The following FXR1 variants were observed in gnomAD, a reference collection of about 807,000 sequenced individuals.
FXR1 encodes the protein RNA-binding protein FXR1.
In FXR1, 15 loss-of-function variants were observed where a neutral mutation model predicts 84.0. The observed-to-expected ratio is 0.18, with a 90% CI of 0.12 to 0.27. The LOEUF is 0.27. FXR1 is among the 10% of genes least tolerant of loss of function. The pLI, the probability that FXR1 is intolerant of heterozygous loss-of-function variation, is 1.00. For missense variants in FXR1, 480 were observed against 774.4 expected, an observed-to-expected ratio of 0.62 and a Z score of 4.51; for synonymous variants, 245 against 250.7, an observed-to-expected ratio of 0.98 and a Z score of 0.21.
At chr3:180,952,893 C>T (rs1425347645) in intron 8 of FXR1, among the ~76,000 whole-genome samples, 1 of 144,176 alleles carries the variant, frequency 6.9e-6, no homozygotes, top group East Asian at 2.1e-4. Flanking sequence ...AGTGCAGTGG[C>T]GTGATCATAG....
chr3:180,949,804 C>T (rs1024064956), intron 7 of FXR1, among the ~76,000 whole-genome samples: 1 of 152,226 alleles, frequency 6.6e-6, no homozygotes, highest in African/African-American at 2.4e-5. Flanking sequence ...TACCTTTTAT[C>T]AAACATAGCC....
chr3:180,928,013 T>C (rs1462793898), intron 1 of FXR1, among the ~76,000 whole-genome samples: 1 of 152,088 alleles, frequency 6.6e-6, no homozygotes, highest in East Asian at 1.9e-4. Flanking sequence ...TTTTGGGTTT[T>C]GCTTTTTTGG....
intron 15 of FXR1, 24 bp downstream of exon 15, chr3:180,970,382 A>AT (rs1713376124): frequency 1.9e-5 from 10 of 514,276 alleles, no homozygotes; most frequent in African/African-American, 5.3e-5. Context: ...TAGGGAAGAG[A>AT]AATATATATA....
At chr3:180,943,826 A>T (rs930523773) in intron 3 of FXR1, among the ~76,000 whole-genome samples, 2 of 152,202 alleles carry the variant, frequency 1.3e-5, no homozygotes, top group African/African-American at 4.8e-5. Flanking sequence ...TTTTCAGCAA[A>T]TGAGGCTTGA....
At chr3:180,926,478 G>GTGTA (rs1553840584) in intron 1 of FXR1, among the ~76,000 whole-genome samples, 8 of 75,404 alleles carry the variant, frequency 1.1e-4, no homozygotes, top group East Asian at 3.5e-4. Flanking sequence ...GGATTGTACT[G>GTGTA]TATATATATA....
At chr3:180,972,478 G>T (rs954820960) in intron 15 of FXR1, among the ~76,000 whole-genome samples, 15 of 152,168 alleles carry the variant, frequency 9.9e-5, no homozygotes, top group African/African-American at 3.6e-4. Flanking sequence ...TAGATGAAGA[G>T]ATTATTTCAT....
At chr3:180,970,383 A>AATATATACATAT in intron 15 of FXR1, 25 bp downstream of exon 15, 1 of 366,364 alleles carries the variant, frequency 2.7e-6, no homozygotes, top group South Asian at 2.1e-5. Flanking sequence ...AGGGAAGAGA[A>AATATATACATAT]ATATATATAT....
intron 11 of FXR1, among the ~76,000 whole-genome samples, chr3:180,961,865 A>C (rs1805618): frequency 0.033 from 5,027 of 152,224 alleles, 296 homozygotes; most frequent in African/African-American, 0.12. Flanking sequence ...CTCTCAGATC[A>C]CTTATGTATC....
chr3:180,930,627 T>G (rs899973727), intron 1 of FXR1, among the ~76,000 whole-genome samples: 1 of 152,178 alleles, frequency 6.6e-6, no homozygotes, highest in Non-Finnish European at 1.5e-5. Context: ...GCTTTACTAA[T>G]ATTCATAAAC....
intron 15 of FXR1, among the ~76,000 whole-genome samples, chr3:180,973,505 C>G (rs745600591): frequency 5.3e-5 from 8 of 152,172 alleles, no homozygotes; most frequent in Non-Finnish European, 1.0e-4. Context: ...CTATGCTGTT[C>G]CCCACACTGG....
chr3:180,915,590 G>C (rs1181254743), intron 1 of FXR1: 2 of 925,766 alleles, frequency 2.2e-6, no homozygotes, highest in Non-Finnish European at 3.4e-6. Flanking sequence ...TAACATTTTA[G>C]TGTATTTCTT....
intron 15 of FXR1, among the ~76,000 whole-genome samples, chr3:180,974,696 T>C (rs931013131): frequency 2.0e-5 from 3 of 152,138 alleles, no homozygotes; most frequent in African/African-American, 7.2e-5. Flanking sequence ...CTCTGATCAA[T>C]GTCCACATTT....
chr3:180,936,956 CAA>C (rs1262037519), intron 3 of FXR1, among the ~76,000 whole-genome samples: 8 of 152,152 alleles, frequency 5.3e-5, no homozygotes, highest in African/African-American at 7.2e-5. Context: ...CACGAGGAAA[CAA>C]AGTGGTGAAG....
At chr3:180,954,130 G>T in intron 9 of FXR1, 1 of 256,512 alleles carries the variant, frequency 3.9e-6, no homozygotes, top group Admixed American at 5.1e-5. Context: ...TCATCCCTTG[G>T]GATCTTCCCT....
Position 180,948,831 on chromosome 3 carries a change from T to C in FXR1, c.513+17T>C. Reference sequence around the variant, plus strand: ...ATGATACTGGTAAGATAGTACCATATTATAAGGTAGCTTATTAATGGATAT... The same window carrying C: ...ATGATACTGGTAAGATAGTACCATACTATAAGGTAGCTTATTAATGGATAT... On this transcript the variant is annotated intron_variant, in intron 6 of 16. Coordinates refer to ENST00000357559, the MANE Select transcript of FXR1 (RefSeq NM_005087.4). 1 of 1,083,682 alleles carries C rather than the reference T, an allele frequency of 9.2e-7. No homozygotes were observed. The highest frequency in any genetic ancestry group is 2.4e-5 in the East Asian group (1 of 42,450). The allele number at this position is 1,083,682 out of a possible 1,614,324, so 67.1% of individuals were successfully genotyped here. A position where few individuals can be genotyped will look rare whatever the true frequency, so the allele number is the denominator to read the frequency against.
chr3:180,941,725 C>T (rs898672446), intron 3 of FXR1, among the ~76,000 whole-genome samples: 15 of 152,016 alleles, frequency 9.9e-5, no homozygotes, highest in Non-Finnish European at 1.9e-4. Flanking sequence ...TGGCCAGTTT[C>T]TAGGACTTGA....
chr3:180,923,065 A>G (rs1718767467), intron 1 of FXR1, among the ~76,000 whole-genome samples: 3 of 152,122 alleles, frequency 2.0e-5, no homozygotes, highest in Admixed American at 1.3e-4. Context: ...TTCTTAGGTT[A>G]CTTTGGAGTT....
At chr3:180,916,406 T>G (rs904633536) in intron 1 of FXR1, among the ~76,000 whole-genome samples, 3 of 152,236 alleles carry the variant, frequency 2.0e-5, no homozygotes, top group African/African-American at 7.2e-5. Context: ...TTTATTTTTA[T>G]TTTTTGAGAC....
Position 180,968,700 on chromosome 3 carries a change from AC to A in FXR1, c.1402+447del, listed in dbSNP as rs376749027. 3.5e-4 allele frequency among the ~76,000 whole-genome samples: 54 copies of A among 152,350 alleles called. 1 individual carries two copies. The East Asian group carries it at 9.6e-3, about 27-fold the overall frequency. On this transcript the variant is annotated intron_variant, in intron 14 of 16. Transcript: ENST00000357559. ...AGCTACACTATGTAGTACTTTGGGA[AC>A]AGGGAAAAATTGTGGAATTAACTAA...
Sources: allele counts gnomAD v4.1 joint callset (sites outside exome capture counted in the v4.1 genomes callset), GRCh38; gene constraint gnomAD v4.1.1; transcripts MANE v1.5; gene names NCBI Gene and HGNC (gene_info 2026-07-23, HGNC 2026-07-21).